ENPP1: variants seen among roughly 807,000 people sequenced by gnomAD.
The protein encoded by ENPP1 is ectonucleotide pyrophosphatase/phosphodiesterase family member 1.
ENPP1 carries 73 observed loss-of-function variants against 122.8 expected under a neutral mutation model. The ratio of observed to expected loss-of-function variants is 0.59; its 90% CI spans 0.49 to 0.72. The LOEUF is 0.72. ENPP1 is among the 30% of genes least tolerant of loss of function. The pLI is 0.00. For missense variants in ENPP1, 978 were observed against 1,128.1 expected (o/e 0.87, Z 1.91); for synonymous variants, 367 against 391.6 (o/e 0.94, Z 0.74).
chr6:131,824,212 G>A (rs1781516378), intron 1 of ENPP1, among the ~76,000 whole-genome samples: 1 of 152,026 alleles, frequency 6.6e-6, no homozygotes, highest in Non-Finnish European at 1.5e-5. Context: ...TGTACATAGC[G>A]AGGGGGAATT....
intron 1 of ENPP1, among the ~76,000 whole-genome samples, chr6:131,818,032 A>G (rs1394426127): frequency 6.6e-6 from 1 of 152,130 alleles, no homozygotes; most frequent in African/African-American, 2.4e-5. Flanking sequence ...TTGAGAAACT[A>G]GCTTGTTCCT....
intron 20 of ENPP1, among the ~76,000 whole-genome samples, chr6:131,881,495 C>T (rs530461553): frequency 2.6e-5 from 4 of 152,092 alleles, no homozygotes; most frequent in African/African-American, 9.7e-5. Flanking sequence ...CATTGCTGTT[C>T]GGTGACTGTC....
rs564490798 is a variant in ENPP1, at chr6:131,836,066, G to A, written c.241-11710G>A. On this transcript the variant is annotated intron_variant, in intron 1 of 24. Transcript: ENST00000647893. ...TCTCTTGTCTTCTGTTCTTTTAAAA[G>A]AAAGATGTGACAGAAAGCACAAAAG... Among the ~76,000 whole-genome samples, 17 of 151,478 alleles carry A rather than the reference G, an allele frequency of 1.1e-4. 1 individual carries two copies. The highest frequency in any genetic ancestry group is 3.5e-3 in the Middle Eastern group (1 of 288).
rs59854617 is a variant in ENPP1, at chr6:131,882,058, T to TAAATAAAA, written c.2101-286_2101-285insAATAAAAA. Among the ~76,000 whole-genome samples the TAAATAAAA allele has an allele frequency of 2.2e-3, 335 of 151,266 alleles. 1 individual carries two copies. Among genetic ancestry groups the TAAATAAAA allele is most frequent in the Middle Eastern group, 6.9e-3 (2 of 288 alleles). On this transcript the variant is annotated intron_variant, in intron 20 of 24. Transcript: ENST00000647893. ...ATAAATAAATAAATAAATAAATAAA[T>TAAATAAAA]ATTTAAAATTGTGTAGATAAAATCA...
chr6:131,826,170 G>T, intron 1 of ENPP1: 1 of 881,662 alleles, frequency 1.1e-6, no homozygotes, highest in Non-Finnish European at 2.0e-6. Context: ...CCACATGAGG[G>T]GACAAATTCA....
At chr6:131,827,807 G>A in intron 1 of ENPP1, 1 of 1,047,736 alleles carries the variant, frequency 9.5e-7, no homozygotes. Flanking sequence ...GGCAATGACT[G>A]CTTTCTGGAA....
intron 11 of ENPP1, among the ~76,000 whole-genome samples, chr6:131,865,853 G>A (rs1050117372): frequency 3.3e-5 from 5 of 152,078 alleles, no homozygotes; most frequent in East Asian, 1.9e-4. Context: ...AAAATTAGCC[G>A]GGCCTGGTGG....
Position 131,868,018 on chromosome 6 carries a change from G to A in ENPP1, c.1165G>A (p.Val389Ile), listed in dbSNP as rs1195457519. The A allele has an allele frequency of 6.2e-7, 1 of 1,607,990 alleles. No individual in the cohort carries two copies. The highest frequency in any genetic ancestry group is 8.5e-7 in the Non-Finnish European group (1 of 1,175,312). The change falls in exon 12 of 25, where the codon GTC becomes ATC. Residue 389 changes from valine to isoleucine, a missense_variant and splice_region_variant. Physicochemically the swap from Val to Ile is conservative, Grantham distance 29. Around this residue, in one of 3 missense-constraint regions of ENPP1, gnomAD observed 644 missense variants for 781.5 expected, o/e 0.82. Coordinates refer to ENST00000647893, the MANE Select transcript of ENPP1 (RefSeq NM_006208.3). ...TGAGGTTGTTGCTTCCCATTCTTAG[G>A]TCATCAAAGCCTTGCAGAGGGTTGA... Reference protein sequence around the residue: ...GHSYGPVSSEVIKALQRVDGM... With the variant: ...GHSYGPVSSEIIKALQRVDGM...
At chr6:131,872,820 T>C (rs1782179223) in intron 14 of ENPP1, 103 bp from the exon 15 acceptor site, 1 of 1,172,770 alleles carries the variant, frequency 8.5e-7, no homozygotes, top group Admixed American at 2.1e-5. Context: ...TTTATAGATA[T>C]TAGGGAAATA....
intron 1 of ENPP1, among the ~76,000 whole-genome samples, chr6:131,818,449 A>G (rs1781443862): frequency 6.6e-6 from 1 of 152,076 alleles, no homozygotes. Context: ...GATCGAGACC[A>G]TCCTGGCTAA....
chr6:131,816,052 C>CT (rs1004530100), intron 1 of ENPP1, among the ~76,000 whole-genome samples: 5 of 151,976 alleles, frequency 3.3e-5, no homozygotes, highest in African/African-American at 1.2e-4. Context: ...CCAGCTGACT[C>CT]TTTTTATCTT....
Position 131,868,146 on chromosome 6 carries a change from T to C in ENPP1, c.1273+20T>C, listed in dbSNP as rs1293160381. 6.5e-7 allele frequency: 1 copy of C among 1,545,616 alleles called. No individual in the cohort carries two copies. Among genetic ancestry groups the C allele is most frequent in the African/African-American group, 1.4e-5 (1 of 73,594 alleles). ...ATCATGGTAATCTGAATTTGCATTATTTACTCTTCAGGATAAAGGGCTGAA... is the reference window on the plus strand; with the variant it reads ...ATCATGGTAATCTGAATTTGCATTACTTACTCTTCAGGATAAAGGGCTGAA... On this transcript the variant is annotated intron_variant, in intron 12 of 24. Transcript: ENST00000647893.
intron 13 of ENPP1, among the ~76,000 whole-genome samples, chr6:131,870,372 T>C (rs1782146120): frequency 6.6e-6 from 1 of 152,342 alleles, no homozygotes; most frequent in African/African-American, 2.4e-5. Flanking sequence ...AAAAGATGTT[T>C]TAAAATATTT....
chr6:131,866,791 A>G (rs61209790), intron 11 of ENPP1, among the ~76,000 whole-genome samples: 5,307 of 152,280 alleles, frequency 0.035, 125 homozygotes, highest in African/African-American at 0.057. Context: ...CAATGTGGAC[A>G]TGTCATAATT....
intron 1 of ENPP1, among the ~76,000 whole-genome samples, chr6:131,836,721 T>G (rs1193601464): frequency 6.6e-6 from 1 of 152,176 alleles, no homozygotes; most frequent in African/African-American, 2.4e-5. Context: ...GGTGGATTCT[T>G]GGAAAGTCAA....
intron 1 of ENPP1, chr6:131,826,362 T>C: frequency 2.6e-6 from 3 of 1,150,328 alleles, no homozygotes; most frequent in Admixed American, 1.8e-5. Flanking sequence ...GTTTGCTGCA[T>C]AGGAAAAGCT....
chr6:131,849,846 T>A, intron 2 of ENPP1, 144 bp from the exon 3 acceptor site: 1 of 662,176 alleles, frequency 1.5e-6, no homozygotes, highest in Non-Finnish European at 2.7e-6. Context: ...TGTGAAAAGA[T>A]TTTTGCCTTA....
intron 13 of ENPP1, among the ~76,000 whole-genome samples, chr6:131,870,560 C>T (rs963836395): frequency 9.9e-5 from 15 of 151,940 alleles, no homozygotes; most frequent in Non-Finnish European, 2.1e-4. Flanking sequence ...TGACAATTAC[C>T]GGAATTGGGT....
At chr6:131,838,418 G>A (rs1251874710) in intron 1 of ENPP1, among the ~76,000 whole-genome samples, 1 of 152,130 alleles carries the variant, frequency 6.6e-6, no homozygotes, top group Non-Finnish European at 1.5e-5. Flanking sequence ...ACTTTAGGCT[G>A]ATGATTCCAG....
Sources: allele counts gnomAD v4.1 joint callset (sites outside exome capture counted in the v4.1 genomes callset), GRCh38; gene constraint gnomAD v4.1.1; regional missense constraint gnomAD v4.1.1; transcripts MANE v1.5; gene names NCBI Gene and HGNC (gene_info 2026-07-23, HGNC 2026-07-21).